Variants in CETN3 observed in about 807,000 individuals in gnomAD.
CETN3 encodes centrin-3.
A neutral mutation model predicts 20.1 loss-of-function variants in CETN3; 17 were observed. The ratio of observed to expected loss-of-function variants is 0.85; its 90% CI spans 0.58 to 1.27. The LOEUF is 1.27. Ranked by LOEUF, CETN3 falls within the 50% of genes most tolerant of loss-of-function variation. The probability of loss-of-function intolerance (pLI) is 0.00; values close to 1 mark genes in which losing one functional copy is unlikely to be tolerated. For missense variants in CETN3, 169 were observed against 191.2 expected (o/e 0.88, Z 0.69); for synonymous variants, 52 against 59.7 (o/e 0.87, Z 0.59).
In CETN3 at chr5:90,392,351, T is replaced by G. The variant is rs1028246773; in HGVS notation, c.*1713A>C. 6.6e-6 allele frequency: 1 copy of G among 152,104 alleles called. No individual in the cohort carries two copies. Among genetic ancestry groups the G allele is most frequent in the African/African-American group, 2.4e-5 (1 of 41,428 alleles). The allele number at this position is 152,104 out of a possible 1,614,324, so 9.4% of individuals were successfully genotyped here. ...GAACTCATCAGTGTGCGACAAAAAT[T>G]TTTTAATTTCAAGGTCTGTTGCCCT... On this transcript the variant is annotated 3_prime_UTR_variant, in exon 5 of 5. Transcript: ENST00000283122.
At chr5:90,401,671 G>A (rs760798223) in intron 3 of CETN3, among the ~76,000 whole-genome samples, 2 of 152,020 alleles carry the variant, frequency 1.3e-5, no homozygotes, top group Non-Finnish European at 2.9e-5. Context: ...ATACCAGTTA[G>A]ACATGTTGGA....
At chr5:90,407,921 AAAAG>A (rs1278903111) in intron 1 of CETN3, 87 bp from the exon 2 acceptor site, 3 of 1,140,620 alleles carry the variant, frequency 2.6e-6, no homozygotes, top group Admixed American at 2.8e-5. Flanking sequence ...TAAATTTCAA[AAAAG>A]AAAGTACTTT....
intron 4 of CETN3, chr5:90,395,693 A>T (rs765580325): frequency 3.1e-5 from 6 of 191,934 alleles, no homozygotes; most frequent in Non-Finnish European, 4.8e-5. Context: ...AAAAATATAC[A>T]CACGACAGGT....
chr5:90,395,502 C>T (rs916759301), intron 4 of CETN3, among the ~76,000 whole-genome samples: 3 of 151,724 alleles, frequency 2.0e-5, no homozygotes, highest in Admixed American at 6.6e-5. Flanking sequence ...ACTGGCTAAT[C>T]GTTGTATTTT....
rs1251271472 is a variant in CETN3, at chr5:90,409,727, G to A, written c.-66C>T. 37 of 1,593,930 alleles carry A rather than the reference G, an allele frequency of 2.3e-5. No homozygotes were observed. Among genetic ancestry groups the A allele is most frequent in the Middle Eastern group, 1.7e-4 (1 of 6,034 alleles). ...AACCCCCTACCCAAGGCAGCAAGAC[G>A]CCCACAGCCGTTCAACAGACACGAA... On this transcript the variant is annotated 5_prime_UTR_variant, in exon 1 of 5. Coordinates refer to ENST00000283122, the MANE Select transcript of CETN3 (RefSeq NM_004365.4).
At chr5:90,409,492 G>A (rs761893713) in intron 1 of CETN3, among the ~76,000 whole-genome samples, 153 bp downstream of exon 1, 4 of 152,220 alleles carry the variant, frequency 2.6e-5, no homozygotes, top group South Asian at 4.1e-4. Flanking sequence ...CCCAGAGGGT[G>A]AGTGATCCGG....
intron 1 of CETN3, 45 bp from the exon 2 acceptor site, chr5:90,407,879 T>C: frequency 6.9e-7 from 1 of 1,448,040 alleles, no homozygotes. Context: ...TTAATTCTCT[T>C]TACTAACAGA....
chr5:90,395,931 G>C (rs780328441), intron 4 of CETN3: 24 of 922,336 alleles, frequency 2.6e-5, no homozygotes, highest in Non-Finnish European at 2.8e-5. Flanking sequence ...TGATAACTAT[G>C]TTAGTCAGTT....
intron 3 of CETN3, among the ~76,000 whole-genome samples, chr5:90,401,568 A>C (rs1017960419): frequency 2.0e-5 from 3 of 152,192 alleles, no homozygotes; most frequent in Admixed American, 6.5e-5. Flanking sequence ...CAAAAACATC[A>C]CATCAAAAGT....
At position 90,399,353 on chromosome 5, in the gene CETN3, C is replaced by T; in HGVS notation, c.460+5G>A. The T allele has an allele frequency of 6.2e-7, 1 of 1,613,656 alleles. No individual in the cohort carries two copies. The highest frequency in any genetic ancestry group is 1.1e-5 in the South Asian group (1 of 91,068). On this transcript the variant is annotated splice_donor_5th_base_variant and intron_variant, in intron 4 of 4. Transcript: ENST00000283122. The stretch of plus-strand genomic sequence containing the variant: ...CCTGGAAAATACGTTTCACTTAAAA[C>T]TTACTTTCTCCATCACCATCTTTGT...
chr5:90,396,652 T>C, intron 4 of CETN3: 1 of 933,830 alleles, frequency 1.1e-6, no homozygotes, highest in Non-Finnish European at 1.5e-6. Flanking sequence ...GATTAAAATA[T>C]TCAAAATCCA....
In CETN3 at chr5:90,394,127, G is replaced by T. The variant is rs1385432758; in HGVS notation, c.461-20C>A. 2.1e-6 allele frequency: 3 copies of T among 1,431,930 alleles called. No homozygotes were observed. The highest frequency in any genetic ancestry group is 2.9e-6 in the Non-Finnish European group (3 of 1,034,190). The allele number at this position is 1,431,930 out of a possible 1,614,324, so 88.7% of individuals were successfully genotyped here. On this transcript the variant is annotated intron_variant, in intron 4 of 4. Coordinates refer to ENST00000283122, the MANE Select transcript of CETN3 (RefSeq NM_004365.4). Reference sequence around the variant, plus strand: ...GGTTTACTGTGGTAAGAAAGAAAATGAAATAGTCAGAAATATAAACATTTT... The same window carrying T: ...GGTTTACTGTGGTAAGAAAGAAAATTAAATAGTCAGAAATATAAACATTTT...
intron 3 of CETN3, among the ~76,000 whole-genome samples, chr5:90,403,873 A>AAG (rs1191595489): frequency 9.5e-6 from 1 of 105,264 alleles, no homozygotes; most frequent in East Asian, 3.3e-4. Flanking sequence ...TCTGTCTCAA[A>AAG]AGAAAAAAAA....
At chr5:90,406,505 T>A (rs1749447041) in intron 2 of CETN3, among the ~76,000 whole-genome samples, 1 of 151,250 alleles carries the variant, frequency 6.6e-6, no homozygotes. Context: ...AATTAGGAGG[T>A]GAATTCCACC....
chr5:90,406,845 AAAAAAAAAAAC>A (rs1391824547), intron 2 of CETN3, among the ~76,000 whole-genome samples: 2 of 144,074 alleles, frequency 1.4e-5, no homozygotes, highest in East Asian at 2.0e-4. Flanking sequence ...GTAACCAAAA[AAAAAAAAAAAC>A]AAAAAAAACA....
Position 90,406,812 on chromosome 5 carries a change from T to A in CETN3, c.153+887A>T, listed in dbSNP as rs115042639. Among the ~76,000 whole-genome samples, 801 of 113,332 alleles carry A rather than the reference T, an allele frequency of 7.1e-3. 9 individuals carry two copies. Among genetic ancestry groups the A allele is most frequent in the Admixed American group, 0.02 (225 of 11,002 alleles). The allele number at this position is 113,332 out of a possible 152,430, so 74.4% of individuals were successfully genotyped here. A position where few individuals can be genotyped will look rare whatever the true frequency, so the allele number is the denominator to read the frequency against. ...TCAATGGTTACAAATGGAACAGACA[T>A]TATAAAGGAAGATCAAATCTGGGTA... On this transcript the variant is annotated intron_variant, in intron 2 of 4. Coordinates refer to ENST00000283122, the MANE Select transcript of CETN3 (RefSeq NM_004365.4).
In CETN3 at chr5:90,393,274, AT is replaced by A. The variant is rs763124666; in HGVS notation, c.*789del. On this transcript the variant is annotated 3_prime_UTR_variant, in exon 5 of 5. Transcript: ENST00000283122. ...TCTATTTTCATCACTGTGACATGTA[AT>A]TGAGTGATAATTACCTTAACAAATC... 1 of 152,208 alleles carries A rather than the reference AT, an allele frequency of 6.6e-6. No individual in the cohort carries two copies. The highest frequency in any genetic ancestry group is 1.9e-4 in the East Asian group (1 of 5,202). 9.4% of individuals were successfully genotyped at this position (152,208 alleles called of 1,614,324 possible).
chr5:90,399,106 T>C, intron 4 of CETN3: 1 of 583,122 alleles, frequency 1.7e-6, no homozygotes, highest in Non-Finnish European at 3.0e-6. Context: ...CATTAAAGAC[T>C]GAAATTATAT....
chr5:90,405,149 A>G (rs780243000), intron 3 of CETN3, among the ~76,000 whole-genome samples: 4 of 152,154 alleles, frequency 2.6e-5, no homozygotes, highest in Non-Finnish European at 5.9e-5. Flanking sequence ...TAAACAGATG[A>G]CTTTATCCAC....
Sources: gnomAD v4.1 joint callset for allele counts (sites outside exome capture counted in the v4.1 genomes callset) on GRCh38, gnomAD v4.1.1 for gene constraint, MANE v1.5 for transcripts, NCBI Gene and HGNC (gene_info 2026-07-23, HGNC 2026-07-21) for gene names.